MAD1L1: variants seen among roughly 807,000 people sequenced by gnomAD.
MAD1L1 encodes mitotic spindle assembly checkpoint protein MAD1.
A neutral mutation model predicts 96.9 loss-of-function variants in MAD1L1; 95 were observed. The observed-to-expected ratio is 0.98, with a 90% CI of 0.83 to 1.16. MAD1L1 has a LOEUF of 1.16. Ranked by LOEUF, MAD1L1 falls within the 50% of genes most tolerant of loss-of-function variation. The pLI, the probability that MAD1L1 is intolerant of heterozygous loss-of-function variation, is 0.00. For missense variants in MAD1L1, 1,007 were observed against 954.4 expected (o/e 1.06, Z -0.73); for synonymous variants, 473 against 396.6 (o/e 1.19, Z -2.29).
At chr7:2,091,561 G>C (rs770625971) in intron 11 of MAD1L1, among the ~76,000 whole-genome samples, 1 of 152,212 alleles carries the variant, frequency 6.6e-6, no homozygotes, top group Admixed American at 6.5e-5. Flanking sequence ...GGATCACAAG[G>C]TCAGGAGATC....
At chr7:2,076,451 C>T (rs1393149964) in intron 11 of MAD1L1, among the ~76,000 whole-genome samples, 1 of 152,248 alleles carries the variant, frequency 6.6e-6, no homozygotes. Flanking sequence ...TGCCATCCTG[C>T]ACTCCTCAGC....
At chr7:2,216,097 T>A in intron 8 of MAD1L1, 60 bp downstream of exon 8, 1 of 1,607,688 alleles carries the variant, frequency 6.2e-7, no homozygotes, top group Non-Finnish European at 8.5e-7. Context: ...CACAGTGGGC[T>A]CCATGTGCAC....
intron 18 of MAD1L1, among the ~76,000 whole-genome samples, chr7:1,837,661 T>G (rs1046510749): frequency 6.6e-6 from 1 of 152,218 alleles, no homozygotes; most frequent in East Asian, 1.9e-4. Flanking sequence ...CTACGCTTAG[T>G]AGAAGCAGCC....
At chr7:2,143,137 G>C (rs189346638) in intron 11 of MAD1L1, among the ~76,000 whole-genome samples, 2 of 152,108 alleles carry the variant, frequency 1.3e-5, no homozygotes, top group Admixed American at 6.5e-5. Flanking sequence ...CCGTCCACAG[G>C]CTCCATAGAG....
intron 16 of MAD1L1, among the ~76,000 whole-genome samples, chr7:1,944,424 C>A (rs549684795): frequency 1.3e-5 from 2 of 152,294 alleles, no homozygotes; most frequent in South Asian, 4.1e-4. Context: ...TGAGAAACAG[C>A]AGGAAGCGTG....
chr7:1,858,990 TG>T (rs1431594825), intron 18 of MAD1L1, among the ~76,000 whole-genome samples: 5 of 152,004 alleles, frequency 3.3e-5, no homozygotes, highest in African/African-American at 9.7e-5. Flanking sequence ...AGCTCAGATC[TG>T]GGGGGCGTCC....
At chr7:2,137,577 T>C (rs1788815835) in intron 11 of MAD1L1, among the ~76,000 whole-genome samples, 1 of 152,082 alleles carries the variant, frequency 6.6e-6, no homozygotes, top group South Asian at 2.1e-4. Context: ...GCCCAGGCTG[T>C]CTCCTCCTTC....
chr7:2,105,909 A>G (rs1048224433), intron 11 of MAD1L1, among the ~76,000 whole-genome samples: 2 of 152,048 alleles, frequency 1.3e-5, no homozygotes, highest in African/African-American at 2.4e-5. Context: ...CACCTTCTGG[A>G]GCACAGTCCC....
At chr7:2,093,806 C>T (rs866027180) in intron 11 of MAD1L1, among the ~76,000 whole-genome samples, 28 of 152,282 alleles carry the variant, frequency 1.8e-4, no homozygotes, top group African/African-American at 6.5e-4. Context: ...GAGCACGGAA[C>T]GCGGAACCCA....
At chr7:1,910,526 T>A (rs960158781) in intron 17 of MAD1L1, among the ~76,000 whole-genome samples, 2 of 152,208 alleles carry the variant, frequency 1.3e-5, no homozygotes, top group Non-Finnish European at 2.9e-5. Flanking sequence ...GGCACTGCCC[T>A]GGGGGCTGAG....
At chr7:1,841,532 C>A (rs1783256679) in intron 18 of MAD1L1, among the ~76,000 whole-genome samples, 1 of 152,188 alleles carries the variant, frequency 6.6e-6, no homozygotes, top group African/African-American at 2.4e-5. Flanking sequence ...CAGCTGTGGG[C>A]CCCAGGATGA....
At chr7:2,165,512 T>C (rs1044869748) in intron 10 of MAD1L1, among the ~76,000 whole-genome samples, 1 of 127,460 alleles carries the variant, frequency 7.8e-6, no homozygotes, top group African/African-American at 3.0e-5. Context: ...CCTGCCGCAC[T>C]CCAGCCACCA....
At chr7:1,886,161 C>T (rs1033785160) in intron 18 of MAD1L1, among the ~76,000 whole-genome samples, 7 of 152,214 alleles carry the variant, frequency 4.6e-5, no homozygotes, top group African/African-American at 1.2e-4. Flanking sequence ...GGGCACCTGG[C>T]GGCAAGCTCT....
At chr7:2,078,604 G>A (rs1011844517) in intron 11 of MAD1L1, among the ~76,000 whole-genome samples, 22 of 152,350 alleles carry the variant, frequency 1.4e-4, no homozygotes, top group African/African-American at 4.8e-4. Flanking sequence ...GTCTGAACTC[G>A]GAGGCCGAGC....
At chr7:2,086,250 G>T (rs1393216745) in intron 11 of MAD1L1, among the ~76,000 whole-genome samples, 1 of 152,218 alleles carries the variant, frequency 6.6e-6, no homozygotes, top group African/African-American at 2.4e-5. Flanking sequence ...TCCCCAAAAT[G>T]CATCCCATCC....
At chr7:2,231,796 G>A (rs1794205579) in intron 1 of MAD1L1, among the ~76,000 whole-genome samples, 2 of 151,774 alleles carry the variant, frequency 1.3e-5, no homozygotes, top group South Asian at 4.2e-4. Context: ...TGACATTTCC[G>A]AGCACCGAGA....
At chr7:1,994,438 AG>A (rs1476011267) in intron 14 of MAD1L1, among the ~76,000 whole-genome samples, 2 of 152,102 alleles carry the variant, frequency 1.3e-5, no homozygotes, top group Non-Finnish European at 2.9e-5. Context: ...ATGTGCTCAG[AG>A]GGTGGGGACA....
intron 12 of MAD1L1, among the ~76,000 whole-genome samples, chr7:2,064,602 G>A (rs149108769): frequency 3.6e-4 from 54 of 150,800 alleles, no homozygotes; most frequent in African/African-American, 1.2e-3. Context: ...TCCCGGGAAT[G>A]TGGCAGCTTC....
At chr7:2,070,065 G>A (rs1434013586) in intron 11 of MAD1L1, among the ~76,000 whole-genome samples, 1 of 152,184 alleles carries the variant, frequency 6.6e-6, no homozygotes, top group Non-Finnish European at 1.5e-5. Context: ...AGAGGGGCTG[G>A]GTCATGCGAT....
Sources: allele counts gnomAD v4.1 joint callset (sites outside exome capture counted in the v4.1 genomes callset), GRCh38; gene constraint gnomAD v4.1.1; transcripts MANE v1.5; gene names NCBI Gene and HGNC (gene_info 2026-07-23, HGNC 2026-07-21).